IL4: variants seen among roughly 807,000 people sequenced by gnomAD.
IL4 encodes the protein interleukin 4.
IL4 carries 10 observed loss-of-function variants against 17.4 expected under a neutral mutation model. That is an observed-to-expected ratio of 0.57 (90% CI 0.35 to 0.97). The LOEUF (loss-of-function observed/expected upper bound fraction) is 0.97. IL4 is among the 50% of genes least tolerant of loss of function. The pLI is 0.01. For synonymous variants in IL4, 87 were observed against 79.0 expected, an observed-to-expected ratio of 1.10 and a Z score of -0.54; for missense variants, 174 against 187.7, an observed-to-expected ratio of 0.93 and a Z score of 0.43.
chr5:132,681,033 G>A (rs541895967), intron 3 of IL4, among the ~76,000 whole-genome samples: 3 of 152,224 alleles, frequency 2.0e-5, no homozygotes, highest in Non-Finnish European at 4.4e-5. Flanking sequence ...TACATGTAAG[G>A]TGGCTCTTGG....
rs1752460615 is a variant in IL4 at position 132,680,242 on chromosome 5, A to C, written c.360+352A>C. Among the ~76,000 whole-genome samples, 1 of 152,218 alleles carries C rather than the reference A, an allele frequency of 6.6e-6. No individual in the cohort carries two copies. Among genetic ancestry groups the C allele is most frequent in the Non-Finnish European group, 1.5e-5 (1 of 68,038 alleles). On this transcript the variant is annotated intron_variant, in intron 3 of 3. Transcript: ENST00000231449. This position sits in a 1 kb window ranked among gnomAD's most constrained non-coding sequence, Gnocchi z 4.3. ...GAGGGGGCTGACTTAGGAGCTGGTG[A>C]CATTATCTGAGCAGATATTTGAATT...
rs1412711053 is a variant in IL4 at position 132,680,871 on chromosome 5, GGGGTAAGA to G, written c.360+982_360+989del. The stretch of plus-strand genomic sequence containing the variant: ...GGATTTGCTGACAGATCGGTTGTAG[GGGGTAAGA>G]TACAGGGGAGGAAAAGATGACCTCT... On this transcript the variant is annotated intron_variant, in intron 3 of 3. Coordinates refer to ENST00000231449, the MANE Select transcript of IL4 (RefSeq NM_000589.4). This position sits in a 1 kb window ranked among gnomAD's most constrained non-coding sequence, Gnocchi z 4.3. 2.6e-5 allele frequency among the ~76,000 whole-genome samples: 4 copies of G among 152,216 alleles called. No individual in the cohort carries two copies. In the East Asian group the frequency reaches 5.8e-4, roughly 22 times the overall value.
intron 2 of IL4, among the ~76,000 whole-genome samples, chr5:132,678,310 T>C (rs1479853111): frequency 7.1e-6 from 1 of 140,596 alleles, no homozygotes; most frequent in East Asian, 4.8e-4. Context: ...GAAATGCTTA[T>C]GGTATATGTA....
At chr5:132,678,692 T>G (rs927149825) in intron 2 of IL4, among the ~76,000 whole-genome samples, 1 of 152,184 alleles carries the variant, frequency 6.6e-6, no homozygotes, top group Non-Finnish European at 1.5e-5. Context: ...ACTTTGAGTA[T>G]CAAGGGACCA....
rs1385672154 is a variant in IL4, at chr5:132,677,959, ACT to A, written c.184-1751_184-1750del. On this transcript the variant is annotated intron_variant, in intron 2 of 3. Transcript: ENST00000231449. ...CAACTAGAATCAGGAACGAGGAGTG[ACT>A]CTCAGTCAGTTCATTAAGTAAATGT... 3.9e-4 allele frequency: 59 copies of A among 152,180 alleles called. 1 individual carries two copies. The highest frequency in any genetic ancestry group is 2.9e-3 in the Admixed American group (45 of 15,284). The allele number at this position is 152,180 out of a possible 1,614,324, so 9.4% of individuals were successfully genotyped here. A position where few individuals can be genotyped will look rare whatever the true frequency, so the allele number is the denominator to read the frequency against.
chr5:132,677,041 A>G (rs762704421), intron 2 of IL4, among the ~76,000 whole-genome samples: 12 of 152,192 alleles, frequency 7.9e-5, no homozygotes, highest in Non-Finnish European at 1.3e-4. Context: ...GCTATTTCCT[A>G]TTTACCAAAG....
At chr5:132,678,851 C>A (rs190698974) in intron 2 of IL4, among the ~76,000 whole-genome samples, 3 of 152,362 alleles carry the variant, frequency 2.0e-5, no homozygotes, top group African/African-American at 4.8e-5. Context: ...CAGACTGAGA[C>A]ACAATCCCTC....
chr5:132,679,881 G>A lies in IL4; in HGVS notation c.351G>A (p.Leu117=). 2 of 1,611,830 alleles carry A rather than the reference G, an allele frequency of 1.2e-6. No homozygotes were observed. Among genetic ancestry groups the A allele is most frequent in the Non-Finnish European group, 1.7e-6 (2 of 1,179,178 alleles). Residue 117 remains leucine, a synonymous_variant, in exon 3 of 4, where the codon CTG becomes CTA. Transcript: ENST00000231449. ...GGCTCGACAGGAACCTCTGGGGCCT[G>A]GCGGGCTTGGTAAGCTGCACTGTAT... ...LKRLDRNLWG[L]AGLNSCPVKE...
In IL4 at chr5:132,674,471, G is replaced by C. The variant is rs199760133; in HGVS notation, c.148G>C (p.Glu50Gln). The C allele has an allele frequency of 1.2e-6, 2 of 1,614,122 alleles. No individual in the cohort carries two copies. The highest frequency in any genetic ancestry group is 1.7e-6 in the Non-Finnish European group (2 of 1,179,994). Residue 50 changes from glutamate to glutamine, a missense_variant, in exon 2 of 4, where the codon GAG becomes CAG. By Grantham distance (29) the Glu-to-Gln change is conservative. Coordinates refer to ENST00000231449, the MANE Select transcript of IL4 (RefSeq NM_000589.4). ...SLTEQKTLCT[E>Q]LTVTDIFAAS... ...TGCCTGGACCAAGACTCTGTGCACC[G>C]AGTTGACCGTAACAGACATCTTTGC...
At chr5:132,676,934 G>A (rs1224482476) in intron 2 of IL4, among the ~76,000 whole-genome samples, 3 of 152,162 alleles carry the variant, frequency 2.0e-5, no homozygotes, top group African/African-American at 7.2e-5. Context: ...CACCTGTCAG[G>A]GTGTCTATGA....
At chr5:132,681,300 G>A (rs2243284) in intron 3 of IL4, among the ~76,000 whole-genome samples, 50,364 of 151,872 alleles carry the variant, frequency 0.33, 11,587 homozygotes, top group East Asian at 0.78. Context: ...CCAGGAAGCC[G>A]TTGAGGACAC....
rs1752475363 is a variant in IL4, at chr5:132,680,887, G to A, written c.360+997G>A. ...CGGTTGTAGGGGGTAAGATACAGGG[G>A]AGGAAAAGATGACCTCTTTGTTCCT... On this transcript the variant is annotated intron_variant, in intron 3 of 3. Transcript: ENST00000231449. The surrounding 1 kb of genome is among the most constrained non-coding windows in gnomAD (Gnocchi z 4.3). Among the ~76,000 whole-genome samples, 1 of 152,208 alleles carries A rather than the reference G, an allele frequency of 6.6e-6. No homozygotes were observed. Among genetic ancestry groups the A allele is most frequent in the Non-Finnish European group, 1.5e-5 (1 of 68,036 alleles).
intron 3 of IL4, 142 bp from the exon 4 acceptor site, chr5:132,682,344 A>G (rs1388777063): frequency 1.7e-6 from 1 of 574,960 alleles, no homozygotes; most frequent in Non-Finnish European, 3.1e-6. Flanking sequence ...CTAGTGATAG[A>G]GACAACTCCC....
At chr5:132,676,024 A>G (rs561751656) in intron 2 of IL4, among the ~76,000 whole-genome samples, 165 of 151,512 alleles carry the variant, frequency 1.1e-3, no homozygotes, top group Non-Finnish European at 1.7e-3. Flanking sequence ...CGGGTTGAGC[A>G]CTGGGTCTCT....
intron 2 of IL4, among the ~76,000 whole-genome samples, chr5:132,675,864 TGTGTG>T (rs1752368058): frequency 6.7e-6 from 1 of 149,098 alleles, no homozygotes; most frequent in Non-Finnish European, 1.5e-5. Flanking sequence ...TGTGTGTGTG[TGTGTG>T]TGTGTGTGTA....
At chr5:132,674,799 G>A (rs886273585) in intron 2 of IL4, among the ~76,000 whole-genome samples, 4 of 152,236 alleles carry the variant, frequency 2.6e-5, no homozygotes, top group Admixed American at 6.5e-5. Flanking sequence ...TGCCTGGAAC[G>A]TAGGAGGCAC....
rs1403129200 is a variant in IL4, at chr5:132,680,882, C to G, written c.360+992C>G. ...CAGATCGGTTGTAGGGGGTAAGATA[C>G]AGGGGAGGAAAAGATGACCTCTTTG... On this transcript the variant is annotated intron_variant, in intron 3 of 3. Transcript: ENST00000231449. This position sits in a 1 kb window ranked among gnomAD's most constrained non-coding sequence, Gnocchi z 4.3. Among the ~76,000 whole-genome samples the G allele has an allele frequency of 6.6e-6, 1 of 152,174 alleles. No homozygotes were observed. The highest frequency in any genetic ancestry group is 1.5e-5 in the Non-Finnish European group (1 of 68,044).
rs370726598 is a variant in IL4, at chr5:132,680,566, T to TG, written c.360+677dup. ...TCTGGCTACTGTGTGGTAAATAGGC[T>TG]GAAAGGGGGAAAGCATAGAAGCAAG... On this transcript the variant is annotated intron_variant, in intron 3 of 3. Transcript: ENST00000231449. The surrounding 1 kb of genome is among the most constrained non-coding windows in gnomAD (Gnocchi z 4.3). 1.3e-4 allele frequency among the ~76,000 whole-genome samples: 20 copies of TG among 152,204 alleles called. No individual in the cohort carries two copies. Among genetic ancestry groups the TG allele is most frequent in the African/African-American group, 4.8e-4 (20 of 41,504 alleles).
At chr5:132,681,215 A>AGAGGAGGATCCAGCCAAGGGGCCT (rs1403769914) in intron 3 of IL4, among the ~76,000 whole-genome samples, 4 of 152,142 alleles carry the variant, frequency 2.6e-5, no homozygotes, top group Non-Finnish European at 4.4e-5. Flanking sequence ...GGAGGTCAGG[A>AGAGGAGGATCCAGCCAAGGGGCCT]GAGGAGGATC....
Sources: allele counts gnomAD v4.1 joint callset (sites outside exome capture counted in the v4.1 genomes callset), GRCh38; gene constraint gnomAD v4.1.1; non-coding constraint Gnocchi (gnomAD v3.1); transcripts MANE v1.5; gene names NCBI Gene and HGNC (gene_info 2026-07-23, HGNC 2026-07-21).